Variants in PSD3 observed in about 807,000 individuals in gnomAD.
PSD3 encodes PH and SEC7 domain-containing protein 3.
In PSD3, 49 loss-of-function variants were observed where a neutral mutation model predicts 105.5. The observed-to-expected ratio is 0.46, with a 90% CI of 0.37 to 0.59. The LOEUF is 0.59. Ranked by LOEUF, PSD3 falls within the 20% of genes least tolerant of loss-of-function variation. The pLI is 0.00. For missense variants in PSD3, 1,561 were observed against 1,263.8 expected, an observed-to-expected ratio of 1.24 and a Z score of -3.57; for synonymous variants, 557 against 457.8, an observed-to-expected ratio of 1.22 and a Z score of -2.77.
chr8:18,937,079 G>T (rs891961313), intron 1 of PSD3, among the ~76,000 whole-genome samples: 2 of 152,164 alleles, frequency 1.3e-5, no homozygotes, highest in Non-Finnish European at 2.9e-5. Flanking sequence ...GGTGAAAGTG[G>T]TACATCCTAA....
intron 9 of PSD3, among the ~76,000 whole-genome samples, chr8:18,709,131 C>T (rs1738494808): frequency 6.6e-6 from 1 of 152,120 alleles, no homozygotes; most frequent in Admixed American, 6.5e-5. Context: ...TGGCTGCCAT[C>T]ACTGTGGCTC....
chr8:18,721,998 C>T (rs1044477019), intron 9 of PSD3, among the ~76,000 whole-genome samples: 6 of 151,922 alleles, frequency 3.9e-5, no homozygotes, highest in African/African-American at 1.5e-4. Context: ...CATTTGAAAG[C>T]GGAAGCCAAT....
Position 19,058,243 on chromosome 8 carries a change from C to T in PSD3, c.324+25963G>A, listed in dbSNP as rs922317091. ...TTTTGATATTCTTGAAAGCACTAAA[C>T]TACAGCGATGAGGAACAGATCAATG... On this transcript the variant is annotated intron_variant, in intron 1 of 1. Transcript: ENST00000521475. Among the ~76,000 whole-genome samples, 4 of 151,966 alleles carry T rather than the reference C, an allele frequency of 2.6e-5. No individual in the cohort carries two copies. The South Asian group carries it at 6.2e-4, about 24-fold the overall frequency.
chr8:18,893,215 G>GGTGC (rs1314191641), intron 2 of PSD3, among the ~76,000 whole-genome samples: 1 of 152,122 alleles, frequency 6.6e-6, no homozygotes, highest in African/African-American at 2.4e-5. Flanking sequence ...AGAATCACAG[G>GGTGC]GTGCGGGGTC....
At position 19,084,520 on chromosome 8, in the gene PSD3, C is replaced by A. The variant is rs77799476; in HGVS notation, c.10G>T (p.Glu4Ter). The change falls in exon 1 of 2, where the codon GAA (glutamate) becomes TAA (stop). Residue 4 changes from glutamate to a stop codon, truncating the protein, a stop_gained. Coordinates refer to the PSD3 transcript ENST00000521475. LOFTEE classifies it high-confidence loss of function. ...CAGCCCATGGAGGGACTGCTGCTTT[C>A]ATCACTCATGATGGGAGCTGGGCTA... 3,090 of 420,894 alleles carry A rather than the reference C, an allele frequency of 7.3e-3. 77 individuals are homozygous for A. The highest frequency in any genetic ancestry group is 0.057 in the African/African-American group (2,820 of 49,644). The allele number at this position is 420,894 out of a possible 1,614,324, so 26.1% of individuals were successfully genotyped here. A position where few individuals can be genotyped will look rare whatever the true frequency, so the allele number is the denominator to read the frequency against.
At chr8:18,833,165 C>T (rs984145817) in intron 4 of PSD3, among the ~76,000 whole-genome samples, 7 of 152,122 alleles carry the variant, frequency 4.6e-5, no homozygotes, top group Non-Finnish European at 8.8e-5. Context: ...AAAGTGACAG[C>T]GAAACTGACA....
intron 2 of PSD3, among the ~76,000 whole-genome samples, chr8:18,901,724 T>C (rs1011818725): frequency 6.6e-6 from 1 of 152,342 alleles, no homozygotes; most frequent in African/African-American, 2.4e-5. Context: ...CTAGTGGTAA[T>C]GAATTCTCTC....
intron 9 of PSD3, among the ~76,000 whole-genome samples, chr8:18,728,218 G>A (rs1487747): frequency 0.91 from 138,747 of 152,228 alleles, 63,314 homozygotes; most frequent in African/African-American, 0.95. Flanking sequence ...TTTCTGCACC[G>A]TACAATTGAG....
chr8:18,676,395 T>A (rs1800066195), intron 9 of PSD3, among the ~76,000 whole-genome samples: 1 of 152,062 alleles, frequency 6.6e-6, no homozygotes, highest in South Asian at 2.1e-4. Context: ...TCTTTCTTCT[T>A]CTCTTCACAA....
At chr8:18,648,315 G>T (rs1241820753) in intron 10 of PSD3, among the ~76,000 whole-genome samples, 1 of 152,170 alleles carries the variant, frequency 6.6e-6, no homozygotes, top group East Asian at 1.9e-4. Flanking sequence ...GGCTGTGGAG[G>T]TATCAGATGG....
At chr8:18,847,882 G>C (rs887848401) in intron 4 of PSD3, among the ~76,000 whole-genome samples, 14 of 152,186 alleles carry the variant, frequency 9.2e-5, no homozygotes, top group African/African-American at 3.4e-4. Context: ...TGAATGGCTA[G>C]TGAGAATCAG....
At chr8:18,914,436 T>G (rs553041881) in intron 2 of PSD3, among the ~76,000 whole-genome samples, 3 of 152,254 alleles carry the variant, frequency 2.0e-5, no homozygotes, top group Non-Finnish European at 4.4e-5. Flanking sequence ...TGGTCTCTTT[T>G]TGCAACTGAC....
intron 8 of PSD3, among the ~76,000 whole-genome samples, chr8:18,795,021 T>C (rs1810048612): frequency 6.6e-6 from 1 of 152,198 alleles, no homozygotes; most frequent in Non-Finnish European, 1.5e-5. Flanking sequence ...AGAAAGCCAA[T>C]GCAATAATTA....
At chr8:18,825,283 G>C (rs1226318392) in intron 4 of PSD3, among the ~76,000 whole-genome samples, 2 of 152,168 alleles carry the variant, frequency 1.3e-5, no homozygotes, top group Non-Finnish European at 2.9e-5. Flanking sequence ...GGTTTTTAGA[G>C]TTGTCAGTTG....
chr8:18,529,983 A>T lies in PSD3; in HGVS notation c.*5760T>A, dbSNP rs1563289531. The T allele has an allele frequency of 6.6e-6, 1 of 152,404 alleles. No homozygotes were observed. Among genetic ancestry groups the T allele is most frequent in the South Asian group, 2.1e-4 (1 of 4,834 alleles). 9.4% of individuals were successfully genotyped at this position (152,404 alleles called of 1,614,324 possible). A position where few individuals can be genotyped will look rare whatever the true frequency, so the allele number is the denominator to read the frequency against. ...GTTTGAGACTATAGAGTTAATTAACAACAACAAAAAAATGCCTCAAGTGTA... is the reference window on the plus strand; with the variant it reads ...GTTTGAGACTATAGAGTTAATTAACTACAACAAAAAAATGCCTCAAGTGTA... On this transcript the variant is annotated 3_prime_UTR_variant, in exon 16 of 16. Coordinates refer to ENST00000327040, the MANE Select transcript of PSD3 (RefSeq NM_015310.4).
intron 9 of PSD3, among the ~76,000 whole-genome samples, chr8:18,750,524 A>G (rs1318656458): frequency 6.6e-6 from 1 of 152,132 alleles, no homozygotes; most frequent in Non-Finnish European, 1.5e-5. Flanking sequence ...AGTGAGCAGT[A>G]GCAAGATTTA....
chr8:18,591,153 G>A (rs566520399), intron 12 of PSD3, among the ~76,000 whole-genome samples: 6 of 152,208 alleles, frequency 3.9e-5, no homozygotes, highest in Admixed American at 1.3e-4. Flanking sequence ...AGAAACCCAC[G>A]CTGAAACAGG....
intron 1 of PSD3, among the ~76,000 whole-genome samples, chr8:18,965,255 T>C (rs1452475145): frequency 6.6e-6 from 1 of 152,210 alleles, no homozygotes; most frequent in Non-Finnish European, 1.5e-5. Flanking sequence ...CTGAAGATGC[T>C]GGCAACTGAC....
chr8:18,650,806 T>C (rs945647925), intron 10 of PSD3, among the ~76,000 whole-genome samples: 2 of 152,212 alleles, frequency 1.3e-5, no homozygotes, highest in African/African-American at 4.8e-5. Context: ...ATTCTCTTAA[T>C]GTGCACTGTA....
Sources: allele counts gnomAD v4.1 joint callset (sites outside exome capture counted in the v4.1 genomes callset), GRCh38; gene constraint gnomAD v4.1.1; transcripts MANE v1.5; gene names NCBI Gene and HGNC (gene_info 2026-07-23, HGNC 2026-07-21).